Variants in HYCC2 observed in about 807,000 individuals in gnomAD.
HYCC2 encodes the protein hyccin 2.
At chr2:201,061,193 T>C in the HYCC2 span, 2 of 151,988 alleles carry the variant, frequency 1.3e-5, no homozygotes, top group Non-Finnish European at 2.9e-5. Flanking sequence ...TCCCAGCACT[T>C]TGGGAGGCCA....
the HYCC2 span, among the ~76,000 whole-genome samples, chr2:201,042,386 G>A: frequency 9.9e-5 from 15 of 152,052 alleles, no homozygotes; most frequent in African/African-American, 3.6e-4. Context: ...ACCCCATCTA[G>A]GAAGTGAGGA....
chr2:200,975,209 C>G, the HYCC2 span: 1 of 151,872 alleles, frequency 6.6e-6, no homozygotes, highest in Non-Finnish European at 1.5e-5. Flanking sequence ...ACCTATTTTC[C>G]AGGTCAGAGA....
At chr2:201,003,970 C>T in the HYCC2 span, among the ~76,000 whole-genome samples, 1 of 151,724 alleles carries the variant, frequency 6.6e-6, no homozygotes, top group African/African-American at 2.4e-5. Flanking sequence ...CCCACCATCA[C>T]GCCCAACTAA....
At chr2:201,047,369 G>A in the HYCC2 span, among the ~76,000 whole-genome samples, 15 of 150,294 alleles carry the variant, frequency 1.0e-4, 1 homozygote, top group Admixed American at 4.0e-4. Flanking sequence ...AGTAGTGAAA[G>A]GAGGAGAGGG....
the HYCC2 span, among the ~76,000 whole-genome samples, chr2:201,058,538 C>G: frequency 6.6e-6 from 1 of 152,150 alleles, no homozygotes; most frequent in Non-Finnish European, 1.5e-5. Flanking sequence ...AACCCCGTCT[C>G]TACTAAAAAT....
At chr2:201,043,057 T>C in the HYCC2 span, among the ~76,000 whole-genome samples, 1 of 152,270 alleles carries the variant, frequency 6.6e-6, no homozygotes, top group African/African-American at 2.4e-5. Flanking sequence ...GAAGTAGACA[T>C]AGGAGACTCC....
chr2:201,007,316 C>A, the HYCC2 span, among the ~76,000 whole-genome samples: 2 of 152,116 alleles, frequency 1.3e-5, no homozygotes, highest in East Asian at 1.9e-4. Context: ...GTCCAGCCTA[C>A]CTTAAATGTG....
chr2:201,019,756 TA>T, the HYCC2 span, among the ~76,000 whole-genome samples: 208 of 139,950 alleles, frequency 1.5e-3, no homozygotes, highest in Admixed American at 1.3e-3. Flanking sequence ...GGCCCTGTCT[TA>T]AAAAAAAAAA....
chr2:200,977,646 T>G, the HYCC2 span: 1 of 152,170 alleles, frequency 6.6e-6, no homozygotes, highest in African/African-American at 2.4e-5. Context: ...AGCCCAGGAG[T>G]TCGAGACCAG....
the HYCC2 span, among the ~76,000 whole-genome samples, chr2:201,037,105 GACAA>G: frequency 6.6e-6 from 1 of 152,116 alleles, no homozygotes; most frequent in South Asian, 2.1e-4. Flanking sequence ...ACCAATAACA[GACAA>G]ACAGAGCCAA....
chr2:201,006,237 C>G, the HYCC2 span, among the ~76,000 whole-genome samples: 1 of 150,010 alleles, frequency 6.7e-6, no homozygotes, highest in African/African-American at 2.5e-5. Context: ...AGGTGATTGT[C>G]CCTCCCTCAG....
chr2:201,054,237 TGG>T, the HYCC2 span, among the ~76,000 whole-genome samples: 1 of 152,228 alleles, frequency 6.6e-6, no homozygotes, highest in African/African-American at 2.4e-5. Flanking sequence ...CCAATTCTAC[TGG>T]GAGAGGATTC....
the HYCC2 span, among the ~76,000 whole-genome samples, chr2:200,991,640 T>C: frequency 1.3e-5 from 2 of 150,726 alleles, no homozygotes; most frequent in African/African-American, 4.9e-5. Context: ...TAGGCTAAGA[T>C]GGGAGGATCG....
the HYCC2 span, among the ~76,000 whole-genome samples, chr2:200,986,549 A>C: frequency 1.3e-5 from 2 of 152,168 alleles, no homozygotes; most frequent in East Asian, 3.8e-4. Context: ...CAACAAAGAG[A>C]AGCATTCTTT....
the HYCC2 span, among the ~76,000 whole-genome samples, chr2:201,026,059 T>G: frequency 3.3e-5 from 5 of 152,098 alleles, no homozygotes; most frequent in Admixed American, 2.6e-4. Context: ...TATGCTGTAT[T>G]CAGGAGACCC....
the HYCC2 span, among the ~76,000 whole-genome samples, chr2:201,013,126 G>A: frequency 1.3e-5 from 2 of 151,978 alleles, no homozygotes; most frequent in African/African-American, 4.8e-5. Context: ...GCCCTTACTA[G>A]ACCTATATGG....
At chr2:201,034,565 G>T in the HYCC2 span, among the ~76,000 whole-genome samples, 1 of 152,100 alleles carries the variant, frequency 6.6e-6, no homozygotes, top group Non-Finnish European at 1.5e-5. Flanking sequence ...TATCCAATTT[G>T]CCAGTCTATG....
chr2:200,984,048 A>T, the HYCC2 span, among the ~76,000 whole-genome samples: 25 of 151,076 alleles, frequency 1.7e-4, no homozygotes, highest in African/African-American at 2.2e-4. Context: ...TATTTTTATT[A>T]TTTTTTTTTG....
the HYCC2 span, chr2:200,992,442 G>T: frequency 9.6e-7 from 1 of 1,037,280 alleles, no homozygotes; most frequent in Non-Finnish European, 1.5e-6. Context: ...ATTGTTCCAA[G>T]TCCTGCTATT....
Sources: allele counts gnomAD v4.1 joint callset (sites outside exome capture counted in the v4.1 genomes callset), GRCh38; gene constraint gnomAD v4.1.1; transcripts MANE v1.5; gene names NCBI Gene and HGNC (gene_info 2026-07-23, HGNC 2026-07-21).